KIAA1217: variants seen among roughly 807,000 people sequenced by gnomAD.
KIAA1217 encodes the protein KIAA1217.
Under a neutral mutation model 163.9 loss-of-function variants are expected in KIAA1217, and 88 were observed. The ratio of observed to expected loss-of-function variants is 0.54; its 90% CI spans 0.45 to 0.64. The LOEUF (loss-of-function observed/expected upper bound fraction) is 0.64. Among genes scored for constraint, KIAA1217 ranks in the 30% least tolerant of loss-of-function variants. The pLI, the probability that KIAA1217 is intolerant of heterozygous loss-of-function variation, is 0.00. For missense variants in KIAA1217, 2,372 were observed against 2,475.0 expected, an observed-to-expected ratio of 0.96 and a Z score of 0.88; for synonymous variants, 903 against 923.1, an observed-to-expected ratio of 0.98 and a Z score of 0.39.
intron 14 of KIAA1217, among the ~76,000 whole-genome samples, chr10:24,529,195 C>T (rs2072717169): frequency 6.6e-6 from 1 of 152,090 alleles, no homozygotes; most frequent in Non-Finnish European, 1.5e-5. Flanking sequence ...CCTTGGTATC[C>T]ATGGGAGATT....
intron 2 of KIAA1217, among the ~76,000 whole-genome samples, chr10:24,041,897 C>T (rs34772902): frequency 0.33 from 50,773 of 151,682 alleles, 10,583 homozygotes; most frequent in Non-Finnish European, 0.47. Flanking sequence ...ATTATTTTTC[C>T]CCTTCTAGGC....
rs79376688 is a variant in KIAA1217 at position 24,146,960 on chromosome 10, T to A, written c.-170-72666T>A. The stretch of plus-strand genomic sequence containing the variant: ...AACATCAAAATGTGTTACTCGCACA[T>A]TTCCGTGTTCCTAAGAATCACTTAA... On this transcript the variant is annotated intron_variant, in intron 2 of 18. Transcript: ENST00000376462. Among the ~76,000 whole-genome samples, 446 of 150,934 alleles carry A rather than the reference T, an allele frequency of 3.0e-3. 1 individual carries two copies. Among genetic ancestry groups the A allele is most frequent in the African/African-American group, 0.01 (421 of 40,954 alleles).
intron 1 of KIAA1217, among the ~76,000 whole-genome samples, chr10:23,768,973 A>C (rs1027364685): frequency 6.6e-5 from 10 of 152,170 alleles, no homozygotes; most frequent in African/African-American, 2.4e-4. Context: ...TGCACTGAAC[A>C]ATGGTGTAAC....
intron 2 of KIAA1217, among the ~76,000 whole-genome samples, chr10:24,181,526 T>C (rs2066171093): frequency 6.6e-6 from 1 of 152,194 alleles, no homozygotes; most frequent in African/African-American, 2.4e-5. Flanking sequence ...TTTGAGGCCA[T>C]GATAAGGAGT....
chr10:24,321,211 T>C (rs1442705592), intron 2 of KIAA1217, among the ~76,000 whole-genome samples: 1 of 152,106 alleles, frequency 6.6e-6, no homozygotes, highest in African/African-American at 2.4e-5. Flanking sequence ...TATTTGTACA[T>C]CCACGTTCAT....
Position 24,015,116 on chromosome 10 carries a change from A to G in KIAA1217, c.-171+7742A>G, listed in dbSNP as rs936504682. On this transcript the variant is annotated intron_variant, in intron 2 of 18. Coordinates refer to the KIAA1217 transcript ENST00000376462. ...CATGCCACTCTTGGAAACTGATAGAACCAACAAAGTAAATGGCAAAAAGAA... is the reference window on the plus strand; with the variant it reads ...CATGCCACTCTTGGAAACTGATAGAGCCAACAAAGTAAATGGCAAAAAGAA... 1.1e-4 allele frequency among the ~76,000 whole-genome samples: 17 copies of G among 152,148 alleles called. 1 individual carries two copies. The highest frequency in any genetic ancestry group is 1.5e-5 in the Non-Finnish European group (1 of 68,012).
At chr10:24,166,855 A>T (rs2065371944) in intron 2 of KIAA1217, among the ~76,000 whole-genome samples, 6 of 151,682 alleles carry the variant, frequency 4.0e-5, no homozygotes, top group Admixed American at 3.9e-4. Context: ...GATGTATCAG[A>T]TTATGTGCTA....
At chr10:23,721,057 T>C (rs536321734) in intron 1 of KIAA1217, among the ~76,000 whole-genome samples, 2 of 152,322 alleles carry the variant, frequency 1.3e-5, no homozygotes, top group East Asian at 3.9e-4. Context: ...GCTTTAGTAG[T>C]CTTCAAGTCC....
chr10:23,844,745 T>C (rs907004346), intron 1 of KIAA1217, among the ~76,000 whole-genome samples: 2 of 152,068 alleles, frequency 1.3e-5, no homozygotes, highest in African/African-American at 4.8e-5. Flanking sequence ...TTTAATTTTT[T>C]TATTGTTATT....
At chr10:23,961,378 T>C (rs1844814324) in intron 1 of KIAA1217, among the ~76,000 whole-genome samples, 1 of 152,200 alleles carries the variant, frequency 6.6e-6, no homozygotes, top group Non-Finnish European at 1.5e-5. Context: ...AACAGTGCCA[T>C]GCGTGGGGAG....
At chr10:24,085,147 C>T (rs573537262) in intron 2 of KIAA1217, among the ~76,000 whole-genome samples, 3 of 152,130 alleles carry the variant, frequency 2.0e-5, no homozygotes, top group East Asian at 3.9e-4. Flanking sequence ...ATCTCCTGAC[C>T]GCGTGATCCG....
intron 3 of KIAA1217, among the ~76,000 whole-genome samples, chr10:24,417,706 A>T (rs1461272190): frequency 1.3e-5 from 2 of 152,136 alleles, no homozygotes; most frequent in Non-Finnish European, 2.9e-5. Flanking sequence ...AAGAAGTGGT[A>T]CCCAAGGATA....
At chr10:24,359,368 C>T (rs1173535663) in intron 2 of KIAA1217, among the ~76,000 whole-genome samples, 1 of 152,120 alleles carries the variant, frequency 6.6e-6, no homozygotes, top group African/African-American at 2.4e-5. Context: ...GTCGGGATTA[C>T]AGGCATGAGC....
At chr10:24,468,417 T>C (rs1487006103) in intron 5 of KIAA1217, among the ~76,000 whole-genome samples, 1 of 152,228 alleles carries the variant, frequency 6.6e-6, no homozygotes, top group Non-Finnish European at 1.5e-5. Context: ...TAAAACTCCG[T>C]CTTAGAAAGT....
intron 5 of KIAA1217, 133 bp from the exon 6 acceptor site, chr10:24,473,095 A>G: frequency 5.0e-6 from 3 of 601,650 alleles, no homozygotes; most frequent in Non-Finnish European, 8.4e-6. Flanking sequence ...TTTGCCATGT[A>G]AGGAAACATA....
intron 2 of KIAA1217, among the ~76,000 whole-genome samples, chr10:24,146,180 G>T (rs1232519015): frequency 1.3e-5 from 2 of 152,122 alleles, no homozygotes; most frequent in Admixed American, 1.3e-4. Context: ...AATCACATTT[G>T]CTCAGAAAGA....
intron 2 of KIAA1217, among the ~76,000 whole-genome samples, chr10:24,040,141 C>A (rs1284840455): frequency 6.6e-6 from 1 of 152,216 alleles, no homozygotes; most frequent in Admixed American, 6.5e-5. Flanking sequence ...AGGCCAAAGT[C>A]CTTTGCCAGG....
chr10:24,328,035 A>T (rs973661952), intron 2 of KIAA1217, among the ~76,000 whole-genome samples: 2 of 152,112 alleles, frequency 1.3e-5, no homozygotes, highest in African/African-American at 4.8e-5. Context: ...CCTGATTGGG[A>T]CCCAGGCTGA....
At chr10:24,439,778 C>T (rs562740674) in intron 5 of KIAA1217, among the ~76,000 whole-genome samples, 15 of 152,216 alleles carry the variant, frequency 9.9e-5, no homozygotes, top group African/African-American at 3.4e-4. Context: ...CATCCCTAAC[C>T]CTCCCATGTC....
Sources: allele counts gnomAD v4.1 joint callset (sites outside exome capture counted in the v4.1 genomes callset), GRCh38; gene constraint gnomAD v4.1.1; transcripts MANE v1.5; gene names NCBI Gene and HGNC (gene_info 2026-07-23, HGNC 2026-07-21).